PIGN: variants seen among roughly 807,000 people sequenced by gnomAD.
PIGN encodes the protein GPI ethanolamine phosphate transferase 1.
PIGN carries 117 observed loss-of-function variants against 125.4 expected under a neutral mutation model. That is an observed-to-expected ratio of 0.93 (90% CI 0.80 to 1.09). The LOEUF (loss-of-function observed/expected upper bound fraction) is 1.09. Among genes scored for constraint, PIGN ranks in the 50% least tolerant of loss-of-function variants. PIGN has a pLI of 0.00. For synonymous variants in PIGN, 392 were observed against 377.8 expected (o/e 1.04, Z -0.44); for missense variants, 1,075 against 1,094.9 (o/e 0.98, Z 0.26).
chr18:62,082,812 A>T lies in PIGN; in HGVS notation c.2503-66T>A, dbSNP rs140694538. ...ATCTGAAACACTTTTTGAAAAAAATACTATTTCTGCTTACAGAAATATTTT... is the reference window on the plus strand; with the variant it reads ...ATCTGAAACACTTTTTGAAAAAAATTCTATTTCTGCTTACAGAAATATTTT... On this transcript the variant is annotated intron_variant, in intron 27 of 30. Transcript: ENST00000640252. 3.6e-6 allele frequency: 3 copies of T among 827,264 alleles called. No homozygotes were observed. The East Asian group carries it at 8.1e-5, about 22-fold the overall frequency. The allele number at this position is 827,264 out of a possible 1,614,324, so 51.2% of individuals were successfully genotyped here.
intron 7 of PIGN, 89 bp from the exon 8 acceptor site, chr18:62,148,427 G>A: frequency 2.2e-6 from 2 of 906,584 alleles, no homozygotes; most frequent in East Asian, 6.6e-5. Context: ...TTATGCATAA[G>A]TACAAAATTA....
intron 30 of PIGN, among the ~76,000 whole-genome samples, chr18:62,050,298 C>T (rs949487911): frequency 2.6e-5 from 4 of 152,012 alleles, no homozygotes; most frequent in Non-Finnish European, 4.4e-5. Context: ...GGCAGTATGG[C>T]CATTTTCACG....
intron 30 of PIGN, among the ~76,000 whole-genome samples, chr18:62,061,103 C>G (rs1177507319): frequency 6.6e-6 from 1 of 152,152 alleles, no homozygotes; most frequent in Non-Finnish European, 1.5e-5. Context: ...GTAGTGTATG[C>G]TTCCTGAGTC....
At chr18:62,108,914 T>G (rs74550646) in intron 17 of PIGN, among the ~76,000 whole-genome samples, 10,316 of 152,238 alleles carry the variant, frequency 0.068, 650 homozygotes, top group African/African-American at 0.16. Flanking sequence ...TAATACATCA[T>G]GTTTTAAAAG....
intron 4 of PIGN, 169 bp from the exon 5 acceptor site, chr18:62,157,977 C>A: frequency 1.8e-6 from 1 of 568,852 alleles, no homozygotes; most frequent in South Asian, 2.4e-5. Flanking sequence ...TTCCTAGCAT[C>A]TACCAGCTGA....
At chr18:62,049,685 A>C (rs1420284929) in intron 30 of PIGN, among the ~76,000 whole-genome samples, 4 of 149,838 alleles carry the variant, frequency 2.7e-5, no homozygotes, top group African/African-American at 7.3e-5. Context: ...TTTTGCTGTG[A>C]AGAAGCTCTT....
chr18:62,083,268 A>C, intron 27 of PIGN, among the ~76,000 whole-genome samples: 1 of 152,128 alleles, frequency 6.6e-6, no homozygotes, highest in East Asian at 1.9e-4. Context: ...AATATGAAAA[A>C]ATTTATAAAA....
At chr18:62,037,889 A>T (rs1185737466), downstream of PIGN, among the ~76,000 whole-genome samples, 1 of 152,062 alleles carries the variant, frequency 6.6e-6, no homozygotes, top group Non-Finnish European at 1.5e-5. Context: ...CATGAGTGTA[A>T]AGCCCCTGGC....
At chr18:62,137,258 G>A in intron 14 of PIGN, 1 of 410,074 alleles carries the variant, frequency 2.4e-6, no homozygotes. Flanking sequence ...TACACCAGTG[G>A]TTTGCTAGGG....
intron 30 of PIGN, among the ~76,000 whole-genome samples, chr18:62,053,639 T>A (rs554256919): frequency 1.1e-4 from 17 of 152,224 alleles, no homozygotes; most frequent in African/African-American, 4.1e-4. Context: ...TCAGATAAAA[T>A]AGACTTCAGA....
At chr18:62,100,307 TA>T (rs2034385678) in intron 22 of PIGN, among the ~76,000 whole-genome samples, 2 of 152,052 alleles carry the variant, frequency 1.3e-5, no homozygotes, top group South Asian at 4.2e-4. Flanking sequence ...ATCAAAAAGA[TA>T]AAAAATAGCA....
chr18:62,058,785 C>G (rs1026477326), intron 30 of PIGN: 1 of 152,070 alleles, frequency 6.6e-6, no homozygotes, highest in African/African-American at 2.4e-5. Context: ...CTAGGTTTAG[C>G]CACAGAACTC....
At chr18:62,119,000 G>A (rs1431292632) in intron 14 of PIGN, among the ~76,000 whole-genome samples, 1 of 152,010 alleles carries the variant, frequency 6.6e-6, no homozygotes. Flanking sequence ...ATGTACAAGA[G>A]ACAAAAATTG....
In PIGN at chr18:62,109,867, A is replaced by G; in HGVS notation, c.1541T>C (p.Leu514Ser). ...CPWTYYVYGLLPLPIWYAVLR... is the reference protein window; with the variant it reads ...CPWTYYVYGLSPLPIWYAVLR... ...AACCGCATACCATATTGGCAGTGGC[A>G]ACAAACCATATACATAATATGTCCA... The change falls in exon 17 of 31, where the codon TTG (leucine) becomes TCG (serine). Residue 514 changes from leucine (L) to serine (S), a missense_variant. Leu to Ser is a moderately radical substitution (Grantham distance 145). Transcript: ENST00000640252. The G allele has an allele frequency of 6.2e-7, 1 of 1,612,946 alleles. No homozygotes were observed. The highest frequency in any genetic ancestry group is 1.1e-5 in the South Asian group (1 of 90,938).
downstream of PIGN, among the ~76,000 whole-genome samples, chr18:62,039,278 C>T (rs1298160040): frequency 2.0e-5 from 3 of 152,114 alleles, no homozygotes; most frequent in Non-Finnish European, 2.9e-5. Flanking sequence ...TTCCAACACA[C>T]TCCCTCACCC....
Position 62,074,814 on chromosome 18 carries a change from GA to G in PIGN, c.2583del (p.Leu862SerfsTer35). ...ATGTCTGATATGACGAGAACAATGA[GA>G]AAAAGGCTGGAAAAAAAAAGAAGGA... ...LTTQLSSKSL[F>X]LIVLVISDIM... On this transcript the variant is annotated frameshift_variant, in exon 29 of 31. Coordinates refer to ENST00000640252, the MANE Select transcript of PIGN (RefSeq NM_176787.5). LOFTEE classifies it high-confidence loss of function. The G allele has an allele frequency of 6.2e-7, 1 of 1,602,692 alleles. No homozygotes were observed. Among genetic ancestry groups the G allele is most frequent in the Non-Finnish European group, 8.5e-7 (1 of 1,172,220 alleles).
chr18:62,053,914 T>C (rs1365663712), intron 30 of PIGN, among the ~76,000 whole-genome samples: 1 of 152,080 alleles, frequency 6.6e-6, no homozygotes. Context: ...CTGACCACAG[T>C]GGAATCCAAC....
chr18:62,045,827 T>A lies in PIGN; in HGVS notation c.*29A>T. 6.2e-7 allele frequency: 1 copy of A among 1,611,866 alleles called. No homozygotes were observed. The highest frequency in any genetic ancestry group is 8.5e-7 in the Non-Finnish European group (1 of 1,178,544). On this transcript the variant is annotated 3_prime_UTR_variant, in exon 31 of 31. Transcript: ENST00000640252. ...TTTTAGCTTAAAAGGAGAATCAGGA[T>A]CCAGATGCTGAATGGTGCTTCAGCA...
chr18:62,180,511 T>C (rs1383841940), intron 1 of PIGN, among the ~76,000 whole-genome samples: 1 of 152,194 alleles, frequency 6.6e-6, no homozygotes, highest in African/African-American at 2.4e-5. Flanking sequence ...AATTGCTTGA[T>C]ACTGTCATAT....
Sources: allele counts gnomAD v4.1 joint callset (sites outside exome capture counted in the v4.1 genomes callset), GRCh38; gene constraint gnomAD v4.1.1; transcripts MANE v1.5; gene names NCBI Gene and HGNC (gene_info 2026-07-23, HGNC 2026-07-21).